ERG: variants seen among roughly 807,000 people sequenced by gnomAD.
ERG encodes ETS transcription factor ERG, also known as transcriptional regulator ERG.
In ERG, 9 loss-of-function variants were observed where a neutral mutation model predicts 55.3. The observed-to-expected ratio is 0.16, with a 90% CI of 0.10 to 0.28. The LOEUF (loss-of-function observed/expected upper bound fraction) is 0.28, where lower values mean the gene tolerates loss of function less well. Among genes scored for constraint, ERG ranks in the 10% least tolerant of loss-of-function variants. The pLI is 1.00. For missense variants in ERG, 434 were observed against 631.6 expected (o/e 0.69, Z 3.35); for synonymous variants, 223 against 237.3 (o/e 0.94, Z 0.55).
chr21:38,620,330 G>C (rs148552489), intron 1 of ERG, among the ~76,000 whole-genome samples: 1 of 52 alleles, frequency 0.019, no homozygotes, highest in African/African-American at 0.056. Flanking sequence ...CTCCCAGGAC[G>C]TAAAAACAAT....
intron 1 of ERG, among the ~76,000 whole-genome samples, chr21:38,591,310 C>T (rs925348828): frequency 6.6e-6 from 1 of 152,182 alleles, no homozygotes. Flanking sequence ...AGCCTGACAG[C>T]ATTAAGCCAA....
chr21:38,613,694 G>A (rs1054494091), intron 1 of ERG, among the ~76,000 whole-genome samples: 3 of 152,190 alleles, frequency 2.0e-5, no homozygotes, highest in South Asian at 2.1e-4. Context: ...ACTGCTGTCC[G>A]GGTAAGAGTG....
At chr21:38,580,891 T>C (rs2060024298) in intron 1 of ERG, among the ~76,000 whole-genome samples, 1 of 152,202 alleles carries the variant, frequency 6.6e-6, no homozygotes, top group Non-Finnish European at 1.5e-5. Context: ...AGATGGAAGT[T>C]TGAGACCCCT....
chr21:38,549,762 A>G (rs114053471), intron 2 of ERG, among the ~76,000 whole-genome samples: 2,047 of 152,322 alleles, frequency 0.013, 51 homozygotes, highest in African/African-American at 0.047. Context: ...ATTTCTTTGA[A>G]CACAGACTGA....
At chr21:38,511,890 C>T (rs2059514620) in intron 2 of ERG, among the ~76,000 whole-genome samples, 1 of 152,142 alleles carries the variant, frequency 6.6e-6, no homozygotes, top group African/African-American at 2.4e-5. Flanking sequence ...ATTATGACAA[C>T]CAAAACTGTC....
rs547024741 is a variant in ERG, at chr21:38,380,187, C to T, written c.*3216G>A. On this transcript the variant is annotated 3_prime_UTR_variant, in exon 10 of 10. Transcript: ENST00000288319. ...TGGGTCACTTTGGGGCGCTGCAGAACATCTGTGCTTTCCCTGTGCCCCATC... is the reference window on the plus strand; with the variant it reads ...TGGGTCACTTTGGGGCGCTGCAGAATATCTGTGCTTTCCCTGTGCCCCATC... 5 of 1,048,796 alleles carry T rather than the reference C, an allele frequency of 4.8e-6. No homozygotes were observed. The African/African-American group carries it at 6.6e-5, about 14-fold the overall frequency. The allele number at this position is 1,048,796 out of a possible 1,614,324, so 65.0% of individuals were successfully genotyped here.
chr21:38,575,134 G>A lies in ERG; in HGVS notation c.-41+528C>T, dbSNP rs932957264. Among the ~76,000 whole-genome samples the A allele has an allele frequency of 1.2e-4, 19 of 152,170 alleles. No homozygotes were observed. In the East Asian group the frequency reaches 2.9e-3, roughly 23 times the overall value. On this transcript the variant is annotated intron_variant, in intron 2 of 8. Transcript: ENST00000398897. ...CAGGGCAGGTGTGAGGTGATGGAGC[G>A]CTGAGTGTCGGCGAGCCCAGATAAA...
At position 38,402,728 on chromosome 21, in the gene ERG, AAAAG is replaced by A. The variant is rs1280253289; in HGVS notation, c.593-95_593-92del. On this transcript the variant is annotated intron_variant, in intron 4 of 9. Coordinates refer to ENST00000288319, the MANE Select transcript of ERG (RefSeq NM_182918.4). ...CCTTTCTTACAAAAAAAAAAAAAAA[AAAAG>A]AAAGAAAAAGAAAGAAAGAAAACCG... 2,240 of 795,426 alleles carry A rather than the reference AAAAG, an allele frequency of 2.8e-3. 9 individuals are homozygous for A. Among genetic ancestry groups the A allele is most frequent in the African/African-American group, 0.017 (928 of 55,310 alleles). The allele number at this position is 795,426 out of a possible 1,614,324, so 49.3% of individuals were successfully genotyped here. A position where few individuals can be genotyped will look rare whatever the true frequency, so the allele number is the denominator to read the frequency against.
chr21:38,527,011 A>G (rs143003401), intron 2 of ERG, among the ~76,000 whole-genome samples: 8 of 152,290 alleles, frequency 5.3e-5, no homozygotes, highest in East Asian at 1.9e-4. Context: ...ATGTTCACCA[A>G]TTCCTAAGAA....
chr21:38,463,098 C>T (rs1168704899), intron 1 of ERG, among the ~76,000 whole-genome samples: 1 of 152,170 alleles, frequency 6.6e-6, no homozygotes, highest in Non-Finnish European at 1.5e-5. Context: ...AAGTGGCACT[C>T]CCCAATTAAT....
intron 1 of ERG, among the ~76,000 whole-genome samples, chr21:38,638,297 G>A (rs529991747): frequency 5.8e-4 from 88 of 152,326 alleles, no homozygotes; most frequent in African/African-American, 2.0e-3. Context: ...TCCAGGTAAA[G>A]CCCAGCACAG....
chr21:38,531,600 T>G (rs1307735833), intron 2 of ERG, among the ~76,000 whole-genome samples: 1 of 152,236 alleles, frequency 6.6e-6, no homozygotes, highest in Non-Finnish European at 1.5e-5. Context: ...GGCTTAGATA[T>G]ATTAAGGAAA....
the ERG span, among the ~76,000 whole-genome samples, chr21:38,374,636 A>G: frequency 6.6e-6 from 1 of 152,156 alleles, no homozygotes. Flanking sequence ...GGCTGTTACT[A>G]TAACCATCTT....
rs1165601609 is a variant in ERG at position 38,381,643 on chromosome 21, A to G, written c.*1760T>C. 2 of 1,063,312 alleles carry G rather than the reference A, an allele frequency of 1.9e-6. No homozygotes were observed. Among genetic ancestry groups the G allele is most frequent in the African/African-American group, 1.6e-5 (1 of 60,976 alleles). The allele number at this position is 1,063,312 out of a possible 1,614,324, so 65.9% of individuals were successfully genotyped here. On this transcript the variant is annotated 3_prime_UTR_variant, in exon 10 of 10. Transcript: ENST00000288319. ...TAATACAGTTTGCCTTACGAGTGGT[A>G]GCTTGTTCACTGTTCAACAAATGTA...
upstream of ERG, chr21:38,498,514 T>A: frequency 7.0e-7 from 1 of 1,433,404 alleles, no homozygotes; most frequent in East Asian, 2.7e-5. This position sits in a 1 kb window ranked among gnomAD's most constrained non-coding sequence, Gnocchi z 4.6. Context: ...AGTCAGCCAA[T>A]GGCAGGAAGA....
Position 38,423,544 on chromosome 21 carries a change from C to A in ERG, c.254G>T (p.Cys85Phe), listed in dbSNP as rs139171634. The change falls in exon 3 of 10, where the codon TGC (cysteine) becomes TTC (phenylalanine). Residue 85 changes from cysteine (C) to phenylalanine (F), a missense_variant. This residue lies in a region of ERG where 212 missense variants were observed against 262.9 expected (regional missense o/e 0.81). Transcript: ENST00000288319. ...VNGSRNSPDE[C>F]SVAKGGKMVG... ...CATCTTCCCGCCTTTGGCCACACTG[C>A]ATTCATCAGGAGAGTTCCTGGAGGA... The A allele has an allele frequency of 6.2e-7, 1 of 1,613,792 alleles. No individual in the cohort carries two copies. Among genetic ancestry groups the A allele is most frequent in the Non-Finnish European group, 8.5e-7 (1 of 1,179,728 alleles).
At chr21:38,476,413 C>G (rs1268738618) in intron 1 of ERG, among the ~76,000 whole-genome samples, 1 of 152,172 alleles carries the variant, frequency 6.6e-6, no homozygotes, top group East Asian at 1.9e-4. Context: ...AACATGTTCT[C>G]CTAAAGATGT....
intron 3 of ERG, among the ~76,000 whole-genome samples, chr21:38,409,717 G>A (rs1353073674): frequency 6.6e-6 from 1 of 152,186 alleles, no homozygotes; most frequent in Non-Finnish European, 1.5e-5. Flanking sequence ...GAAAAAGGGA[G>A]AAATTTGGTG....
the ERG span, among the ~76,000 whole-genome samples, chr21:38,372,245 CA>C: frequency 6.6e-6 from 1 of 151,982 alleles, no homozygotes; most frequent in Non-Finnish European, 1.5e-5. Context: ...TCACTAAAGA[CA>C]AGATTTGTCC....
Sources: allele counts gnomAD v4.1 joint callset (sites outside exome capture counted in the v4.1 genomes callset), GRCh38; gene constraint gnomAD v4.1.1; regional missense constraint gnomAD v4.1.1; non-coding constraint Gnocchi (gnomAD v3.1); transcripts MANE v1.5; gene names NCBI Gene and HGNC (gene_info 2026-07-23, HGNC 2026-07-21).